The following IRF2 variants were observed in gnomAD, a reference collection of about 807,000 sequenced individuals.
IRF2 encodes the protein interferon regulatory factor 2.
Under a neutral mutation model 40.6 loss-of-function variants are expected in IRF2, and 15 were observed. The observed-to-expected ratio is 0.37, with a 90% confidence interval of 0.25 to 0.57. The LOEUF (loss-of-function observed/expected upper bound fraction) is 0.57, where lower values mean the gene tolerates loss of function less well. IRF2 is among the 20% of genes least tolerant of loss of function. The pLI, the probability that IRF2 is intolerant of heterozygous loss-of-function variation, is 0.77. For synonymous variants in IRF2, 151 were observed against 165.5 expected (o/e 0.91, Z 0.67); for missense variants, 317 against 455.7 (o/e 0.70, Z 2.77).
chr4:184,399,117 A>G (rs375952283), intron 6 of IRF2, 38 bp from the exon 7 acceptor site: 1 of 1,543,012 alleles, frequency 6.5e-7, no homozygotes, highest in South Asian at 1.2e-5. Flanking sequence ...AAGTCTGCTG[A>G]CCTCACAATT....
intron 1 of IRF2, among the ~76,000 whole-genome samples, chr4:184,449,266 C>T (rs752940766): frequency 2.0e-4 from 31 of 152,198 alleles, no homozygotes; most frequent in Admixed American, 5.2e-4. Context: ...GGGTCCGTCC[C>T]AAGTCTCTGC....
chr4:184,454,473 A>G (rs781406226), intron 1 of IRF2, among the ~76,000 whole-genome samples: 38 of 152,210 alleles, frequency 2.5e-4, no homozygotes, highest in Non-Finnish European at 3.8e-4. Context: ...CTCTAAGTAC[A>G]GGAATACCTC....
At chr4:184,429,813 C>T (rs779786886) in intron 1 of IRF2, among the ~76,000 whole-genome samples, 8 of 152,202 alleles carry the variant, frequency 5.3e-5, no homozygotes, top group Non-Finnish European at 7.3e-5. Context: ...ACCCTTCCTC[C>T]GCCAGTCCAC....
chr4:184,419,799 G>C (rs1227418440), intron 2 of IRF2, among the ~76,000 whole-genome samples: 1 of 152,156 alleles, frequency 6.6e-6, no homozygotes, highest in African/African-American at 2.4e-5. Context: ...TGCAGAGCAG[G>C]AATGTTTTCC....
intron 1 of IRF2, chr4:184,472,426 C>A (rs1739543931): frequency 6.6e-6 from 1 of 152,042 alleles, no homozygotes; most frequent in Non-Finnish European, 1.5e-5. Context: ...AGAGAACCTG[C>A]AGTCGATATG....
At chr4:184,428,520 G>A (rs918570541) in intron 2 of IRF2, among the ~76,000 whole-genome samples, 6 of 152,328 alleles carry the variant, frequency 3.9e-5, no homozygotes, top group Admixed American at 2.0e-4. Context: ...TTTTGTGACC[G>A]GGTTCAGTGG....
chr4:184,470,649 C>T (rs1739480024), intron 1 of IRF2, among the ~76,000 whole-genome samples: 1 of 144,406 alleles, frequency 6.9e-6, no homozygotes, highest in Non-Finnish European at 1.5e-5. Context: ...GAAAGTGTGC[C>T]ACTGTACACC....
In IRF2 at chr4:184,413,631, A is replaced by T. The variant is rs1004404682; in HGVS notation, c.411+4536T>A. On this transcript the variant is annotated intron_variant, in intron 5 of 8. Coordinates refer to ENST00000393593, the MANE Select transcript of IRF2 (RefSeq NM_002199.4). This position sits in a 1 kb window ranked among gnomAD's most constrained non-coding sequence, Gnocchi z 4.2. ...CTGCTTTTCTGTAACTTCTACCCAT[A>T]GGTCTGTGCTCAGAACGAATACAGA... Among the ~76,000 whole-genome samples, 9 of 152,176 alleles carry T rather than the reference A, an allele frequency of 5.9e-5. No homozygotes were observed. The highest frequency in any genetic ancestry group is 2.2e-4 in the African/African-American group (9 of 41,430).
chr4:184,399,062 G>A lies in IRF2; in HGVS notation c.547C>T (p.Leu183=). ...VNIIVVGQSH[L]DSNIENQEIV... ...TCTTGATTCTCAATGTTGCTGTCCA[G>A]ATGGGACTGTCCTACAACTTCAAAG... Residue 183 remains leucine (L), a synonymous_variant, in exon 7 of 9, where the codon CTG becomes TTG. Transcript: ENST00000393593. The A allele has an allele frequency of 5.0e-6, 8 of 1,607,672 alleles. No individual in the cohort carries two copies. Among genetic ancestry groups the A allele is most frequent in the Middle Eastern group, 1.7e-4 (1 of 6,024 alleles).
intron 7 of IRF2, among the ~76,000 whole-genome samples, chr4:184,392,861 T>C (rs769147704): frequency 6.6e-6 from 1 of 151,664 alleles, no homozygotes; most frequent in African/African-American, 2.4e-5. Flanking sequence ...GCCATGAGCA[T>C]GCAGAAGACA....
chr4:184,397,270 A>C (rs1050979011), intron 7 of IRF2, among the ~76,000 whole-genome samples: 1 of 152,234 alleles, frequency 6.6e-6, no homozygotes, highest in Non-Finnish European at 1.5e-5. Flanking sequence ...TTCCACTCAT[A>C]GGAGGTACCT....
intron 1 of IRF2, among the ~76,000 whole-genome samples, chr4:184,447,436 A>G (rs793784): frequency 0.98 from 148,760 of 152,326 alleles, 72,752 homozygotes; most frequent in Middle Eastern, 1. Context: ...TTAGAAGATC[A>G]ACATTTGGTA....
At chr4:184,438,881 C>T (rs1036631338) in intron 1 of IRF2, among the ~76,000 whole-genome samples, 14 of 152,144 alleles carry the variant, frequency 9.2e-5, no homozygotes, top group South Asian at 2.1e-4. Flanking sequence ...CCTTCCTATG[C>T]GGCCACGCTT....
rs183554794 is a variant in IRF2, at chr4:184,422,168, C to A, written c.88-2600G>T. On this transcript the variant is annotated intron_variant, in intron 2 of 8. Coordinates refer to ENST00000393593, the MANE Select transcript of IRF2 (RefSeq NM_002199.4). ...GTCATGCTTCTTGTACAGCCTAGAA[C>A]CCTGACCCAAAGAAGCCTCGTTTTT... Among the ~76,000 whole-genome samples the A allele has an allele frequency of 5.5e-4, 84 of 152,276 alleles. 1 individual carries two copies. Among genetic ancestry groups the A allele is most frequent in the African/African-American group, 1.8e-3 (76 of 41,548 alleles).
rs575098072 is a variant in IRF2, at chr4:184,414,765, A to G, written c.411+3402T>C. ...AAGAAAATTCTAATACTTGGCCTAC[A>G]TGTTGTAAACATTGTTTGCTAATTA... On this transcript the variant is annotated intron_variant, in intron 5 of 8. Transcript: ENST00000393593. Among the ~76,000 whole-genome samples, 7 of 152,358 alleles carry G rather than the reference A, an allele frequency of 4.6e-5. No individual in the cohort carries two copies. The South Asian group carries it at 1.0e-3, about 23-fold the overall frequency.
At chr4:184,461,265 A>G (rs1739134223) in intron 1 of IRF2, among the ~76,000 whole-genome samples, 1 of 152,236 alleles carries the variant, frequency 6.6e-6, no homozygotes, top group South Asian at 2.1e-4. Flanking sequence ...CAACAAAACA[A>G]TATGTTGTTC....
chr4:184,449,294 C>T (rs892229493), intron 1 of IRF2, among the ~76,000 whole-genome samples: 8 of 152,206 alleles, frequency 5.3e-5, no homozygotes, highest in African/African-American at 1.4e-4. Flanking sequence ...ACCCCTCAGC[C>T]TCAAGAGCAT....
chr4:184,438,871 C>A (rs544100212), intron 1 of IRF2, among the ~76,000 whole-genome samples: 2 of 152,236 alleles, frequency 1.3e-5, no homozygotes, highest in African/African-American at 2.4e-5. Flanking sequence ...TGGCCTGAGA[C>A]CTTCCTATGC....
intron 6 of IRF2, among the ~76,000 whole-genome samples, chr4:184,400,313 T>A (rs1456525964): frequency 1.3e-5 from 2 of 152,240 alleles, no homozygotes; most frequent in African/African-American, 2.4e-5. Context: ...AATGGACTCA[T>A]ACAGTAGACT....
Sources: allele counts gnomAD v4.1 joint callset (sites outside exome capture counted in the v4.1 genomes callset), GRCh38; gene constraint gnomAD v4.1.1; non-coding constraint Gnocchi (gnomAD v3.1); transcripts MANE v1.5; gene names NCBI Gene and HGNC (gene_info 2026-07-23, HGNC 2026-07-21).